The following CATSPERG variants were observed in gnomAD, a reference collection of about 807,000 sequenced individuals.
CATSPERG encodes the protein catsper channel auxiliary subunit gamma, also known as cation channel sperm-associated auxiliary subunit gamma.
Under a neutral mutation model 145.0 loss-of-function variants are expected in CATSPERG, and 115 were observed. The ratio of observed to expected loss-of-function variants is 0.79; its 90% confidence interval spans 0.68 to 0.93. The LOEUF (loss-of-function observed/expected upper bound fraction) is 0.93, where lower values mean the gene tolerates loss of function less well. Ranked by LOEUF, CATSPERG falls within the 40% of genes least tolerant of loss-of-function variation. The probability of loss-of-function intolerance (pLI) is 0.00; values close to 1 mark genes in which losing one functional copy is unlikely to be tolerated. For missense variants in CATSPERG, 1,296 were observed against 1,490.1 expected, an observed-to-expected ratio of 0.87 and a Z score of 2.14; for synonymous variants, 588 against 589.0, an observed-to-expected ratio of 1.00 and a Z score of 0.02.
chr19:38,344,440 A>G, intron 6 of CATSPERG, 72 bp downstream of exon 6: 1 of 1,337,530 alleles, frequency 7.5e-7, no homozygotes, highest in Admixed American at 2.0e-5. Flanking sequence ...CTTCCCAGAC[A>G]AGCAGCAGAT....
intron 9 of CATSPERG, 107 bp from the exon 10 acceptor site, chr19:38,356,377 C>CAAGGACGGAGGGGCTGGTGGGCATAAGG: frequency 1.1e-6 from 1 of 922,750 alleles, no homozygotes; most frequent in Non-Finnish European, 1.7e-6. Context: ...AATGAGATCC[C>CAAGGACGGAGGGGCTGGTGGGCATAAGG]AAGGACGGAG....
chr19:38,355,779 C>T (rs1000203160), intron 9 of CATSPERG, among the ~76,000 whole-genome samples: 8 of 152,148 alleles, frequency 5.3e-5, no homozygotes, highest in Non-Finnish European at 1.5e-5. Flanking sequence ...GGTTCAACTT[C>T]AGGTATGGCT....
intron 22 of CATSPERG, 149 bp downstream of exon 22, chr19:38,365,266 C>G: frequency 1.5e-6 from 1 of 661,498 alleles, no homozygotes; most frequent in Non-Finnish European, 2.6e-6. Context: ...CCACTACCAC[C>G]CACTAACTCC....
intron 3 of CATSPERG, 31 bp downstream of exon 3, chr19:38,337,677 C>G: frequency 1.3e-6 from 2 of 1,518,958 alleles, no homozygotes; most frequent in Non-Finnish European, 1.8e-6. Flanking sequence ...TAGGCTCATT[C>G]TATGAGCCTT....
intron 7 of CATSPERG, among the ~76,000 whole-genome samples, chr19:38,351,089 G>A (rs921827120): frequency 9.2e-5 from 14 of 152,276 alleles, no homozygotes; most frequent in African/African-American, 3.1e-4. Flanking sequence ...TCTTTCCCAA[G>A]AATCACCACA....
chr19:38,359,770 C>T (rs76245971), intron 14 of CATSPERG, 189 bp downstream of exon 14: 73,047 of 1,345,554 alleles, frequency 0.054, 3,101 homozygotes, highest in East Asian at 0.25. Context: ...TCCAAAGTCA[C>T]GCAGACCGGA....
Position 38,354,788 on chromosome 19 carries a change from A to G in CATSPERG, c.1076A>G (p.Tyr359Cys), listed in dbSNP as rs760522696. 6.2e-7 allele frequency: 1 copy of G among 1,614,130 alleles called. No individual in the cohort carries two copies. Among genetic ancestry groups the G allele is most frequent in the Non-Finnish European group, 8.5e-7 (1 of 1,180,016 alleles). The part of the protein sequence containing the change: ...PVYFHSNGSE[Y>C]IMALTTGKHE... Reference sequence around the variant, plus strand: ...TATTTCCATAGCAATGGCTCTGAGTACATAATGGCCCTCACCACGGGCAAG... The same window carrying G: ...TATTTCCATAGCAATGGCTCTGAGTGCATAATGGCCCTCACCACGGGCAAG... Residue 359 changes from tyrosine (Y) to cysteine (C), a missense_variant, in exon 9 of 29, where the codon TAC (tyrosine) becomes TGC (cysteine). Transcript: ENST00000409235.
At chr19:38,364,627 A>G (rs1022783621) in intron 20 of CATSPERG, among the ~76,000 whole-genome samples, 5 of 152,236 alleles carry the variant, frequency 3.3e-5, no homozygotes, top group Non-Finnish European at 5.9e-5. Flanking sequence ...TCCAGCCTGG[A>G]CACCATTGAG....
At chr19:38,366,958 T>C in intron 22 of CATSPERG, 198 bp from the exon 23 acceptor site, 1 of 570,922 alleles carries the variant, frequency 1.8e-6, no homozygotes, top group South Asian at 2.4e-5. Context: ...CCTCCCGAAG[T>C]TCTGGGATTA....
chr19:38,357,567 G>A (rs1239112421), intron 11 of CATSPERG, among the ~76,000 whole-genome samples: 1 of 150,830 alleles, frequency 6.6e-6, no homozygotes, highest in Non-Finnish European at 1.5e-5. Context: ...TTATAATCCT[G>A]GCACTTTGGG....
chr19:38,356,885 T>C, intron 11 of CATSPERG, 24 bp downstream of exon 11: 1 of 1,612,978 alleles, frequency 6.2e-7, no homozygotes, highest in Non-Finnish European at 8.5e-7. Flanking sequence ...TGCAAGGGGC[T>C]GGGCACAAAG....
At chr19:38,356,171 C>A (rs1183530606) in intron 9 of CATSPERG, among the ~76,000 whole-genome samples, 1 of 152,072 alleles carries the variant, frequency 6.6e-6, no homozygotes, top group Non-Finnish European at 1.5e-5. Context: ...CTCAAGTCAC[C>A]TACTAGTCTG....
At chr19:38,362,176 C>CCAA (rs1460246707) in intron 17 of CATSPERG, 34 bp from the exon 18 acceptor site, 2 of 1,560,980 alleles carry the variant, frequency 1.3e-6, no homozygotes, top group African/African-American at 2.7e-5. Context: ...GCCCCGCTGC[C>CCAA]CAATCCCTTC....
In CATSPERG at chr19:38,354,825, T is replaced by C. The variant is rs1970214367; in HGVS notation, c.1113T>C (p.Tyr371=). The change falls in exon 9 of 29, where the codon TAT becomes TAC. Residue 371 remains tyrosine, a synonymous_variant. Coordinates refer to ENST00000409235, the MANE Select transcript of CATSPERG (RefSeq NM_021185.5). ...MALTTGKHEG[Y]VHFGTIRDGQ... Reference sequence around the variant, plus strand: ...TCACCACGGGCAAGCATGAGGGTTATGTACACTTCGGGACCATCAGAGGTA... The same window carrying C: ...TCACCACGGGCAAGCATGAGGGTTACGTACACTTCGGGACCATCAGAGGTA... The C allele has an allele frequency of 6.2e-7, 1 of 1,614,028 alleles. No individual in the cohort carries two copies. Among genetic ancestry groups the C allele is most frequent in the Admixed American group, 1.7e-5 (1 of 59,988 alleles).
At chr19:38,336,986 T>C in intron 1 of CATSPERG, 1 of 574,174 alleles carries the variant, frequency 1.7e-6, no homozygotes, top group Non-Finnish European at 3.1e-6. Flanking sequence ...CAGGAGCAAG[T>C]GCAGAGGCGG....
At position 38,365,103 on chromosome 19, in the gene CATSPERG, G is replaced by C; in HGVS notation, c.2599G>C (p.Gly867Arg). ...SGLCFQETHL[G>R]PHMQGNLMVP... ...GCTCTGCTTCCAGGAAACACACCTG[G>C]GGCCCCATATGCAAGTATTGGAGCT... The change falls in exon 22 of 29, where the codon GGG becomes CGG. Residue 867 changes from glycine (G) to arginine (R), a missense_variant. Physicochemically the swap from Gly to Arg is moderately radical, Grantham distance 125. Transcript: ENST00000409235. The C allele has an allele frequency of 6.2e-7, 1 of 1,613,652 alleles. No homozygotes were observed. The highest frequency in any genetic ancestry group is 1.7e-5 in the Admixed American group (1 of 60,004).
chr19:38,358,519 A>T lies in CATSPERG; in HGVS notation c.1454A>T (p.Tyr485Phe), dbSNP rs374518921. The T allele has an allele frequency of 1.1e-4, 181 of 1,614,202 alleles. No homozygotes were observed. In the East Asian group the frequency reaches 1.4e-3, roughly 13 times the overall value. The part of the protein sequence containing the change: ...MAPKGIFCNP[Y>F]NNLIFIWGNF... ...CCCAAGGGCATCTTCTGTAACCCGT[A>T]CAACAATCTGATCTTCATCTGGGGC... Residue 485 changes from tyrosine (Y) to phenylalanine (F), a missense_variant, in exon 13 of 29, where the codon TAC becomes TTC. Physicochemically the swap from Tyr to Phe is conservative, Grantham distance 22. Coordinates refer to ENST00000409235, the MANE Select transcript of CATSPERG (RefSeq NM_021185.5).
rs544554429 is a variant in CATSPERG, at chr19:38,367,785, C to G, written c.2930+9C>G. 1 of 1,612,404 alleles carries G rather than the reference C, an allele frequency of 6.2e-7. No individual in the cohort carries two copies. Among genetic ancestry groups the G allele is most frequent in the Non-Finnish European group, 8.5e-7 (1 of 1,178,522 alleles). On this transcript the variant is annotated intron_variant, in intron 25 of 28. Transcript: ENST00000409235. ...AACAGCCCCCTGGACAAGTAATCCC[C>G]GTGGGGTCCCACGTGTAATCCACCT...
chr19:38,359,739 G>A (rs1052826434), intron 14 of CATSPERG, 158 bp downstream of exon 14: 2 of 1,377,650 alleles, frequency 1.5e-6, no homozygotes, highest in Admixed American at 3.0e-5. Context: ...GAAACTCCTG[G>A]AACTCAGGGT....
Sources: gnomAD v4.1 joint callset for allele counts (sites outside exome capture counted in the v4.1 genomes callset) on GRCh38, gnomAD v4.1.1 for gene constraint, MANE v1.5 for transcripts, NCBI Gene and HGNC (gene_info 2026-07-23, HGNC 2026-07-21) for gene names.